Variants in ASTN1 observed in about 807,000 individuals in gnomAD.
ASTN1 encodes the protein astrotactin-1.
In ASTN1, 41 loss-of-function variants were observed where a neutral mutation model predicts 140.7. That is an observed-to-expected ratio of 0.29 (90% confidence interval 0.23 to 0.38). ASTN1 has a LOEUF of 0.38. Ranked by LOEUF, ASTN1 falls within the 10% of genes least tolerant of loss-of-function variation. ASTN1 has a pLI of 1.00. For missense variants in ASTN1, 1,479 were observed against 1,678.8 expected, an observed-to-expected ratio of 0.88 and a Z score of 2.08; for synonymous variants, 640 against 652.2, an observed-to-expected ratio of 0.98 and a Z score of 0.29.
In ASTN1 at chr1:176,888,223, A is replaced by G. The variant is rs756015297; in HGVS notation, c.2941-19T>C. The G allele has an allele frequency of 1.9e-6, 3 of 1,612,916 alleles. No individual in the cohort carries two copies. The highest frequency in any genetic ancestry group is 3.3e-5 in the Admixed American group (2 of 60,014). Reference sequence around the variant, plus strand: ...GCAAGAGCTGCATAAGAGAACAGGGAAAAGATTGAGTGTTGAGAAGCCAGG... The same window carrying G: ...GCAAGAGCTGCATAAGAGAACAGGGGAAAGATTGAGTGTTGAGAAGCCAGG... On this transcript the variant is annotated intron_variant, in intron 17 of 22. Transcript: ENST00000361833.
chr1:176,973,250 C>A (rs548851365), intron 8 of ASTN1, among the ~76,000 whole-genome samples: 1 of 152,312 alleles, frequency 6.6e-6, no homozygotes, highest in East Asian at 1.9e-4. Context: ...CTTTCTACCT[C>A]CTGGATGCTT....
intron 11 of ASTN1, among the ~76,000 whole-genome samples, chr1:176,956,446 G>T (rs1342119384): frequency 6.6e-6 from 1 of 152,150 alleles, no homozygotes; most frequent in East Asian, 1.9e-4. Flanking sequence ...GGGAAGAGGG[G>T]AGAGGAAAGA....
At chr1:176,913,342 T>C (rs1269685518) in intron 16 of ASTN1, among the ~76,000 whole-genome samples, 5 of 152,156 alleles carry the variant, frequency 3.3e-5, no homozygotes, top group African/African-American at 1.2e-4. Context: ...AAATGTAGGA[T>C]CACATTGGGT....
intron 8 of ASTN1, among the ~76,000 whole-genome samples, chr1:177,010,585 T>C (rs1002685306): frequency 2.0e-5 from 3 of 152,218 alleles, no homozygotes; most frequent in Non-Finnish European, 4.4e-5. Context: ...AATTCAATGA[T>C]CTTGTAATTT....
chr1:176,867,178 A>G (rs1380726256), intron 22 of ASTN1, among the ~76,000 whole-genome samples: 1 of 152,244 alleles, frequency 6.6e-6, no homozygotes, highest in Non-Finnish European at 1.5e-5. Context: ...AGAAATTTTA[A>G]AAGCACTCCA....
At chr1:177,045,987 A>T (rs902954843) in intron 2 of ASTN1, among the ~76,000 whole-genome samples, 1 of 152,212 alleles carries the variant, frequency 6.6e-6, no homozygotes, top group Non-Finnish European at 1.5e-5. Context: ...TTTTGCATTT[A>T]TATTTCTGTT....
chr1:177,140,313 GGA>G (rs1682405001), intron 1 of ASTN1, among the ~76,000 whole-genome samples: 1 of 151,920 alleles, frequency 6.6e-6, no homozygotes, highest in African/African-American at 2.4e-5. Flanking sequence ...TCATAGTCCT[GGA>G]TTATATGAGC....
chr1:177,128,988 C>T (rs778676436), intron 1 of ASTN1, among the ~76,000 whole-genome samples: 2 of 152,096 alleles, frequency 1.3e-5, no homozygotes, highest in Non-Finnish European at 2.9e-5. Flanking sequence ...AAGGTGCCAA[C>T]GAGCTCCAAG....
intron 1 of ASTN1, among the ~76,000 whole-genome samples, chr1:177,120,767 G>C (rs1472290981): frequency 6.6e-6 from 1 of 152,118 alleles, no homozygotes; most frequent in Non-Finnish European, 1.5e-5. Flanking sequence ...GGATTCTGAG[G>C]AAGATATCTA....
chr1:177,157,687 A>C (rs928272483), intron 1 of ASTN1, among the ~76,000 whole-genome samples: 1 of 152,072 alleles, frequency 6.6e-6, no homozygotes, highest in African/African-American at 2.4e-5. Context: ...AACTGCTAGA[A>C]GCTTTGAGGC....
At chr1:177,160,819 C>G (rs190659733) in intron 1 of ASTN1, among the ~76,000 whole-genome samples, 5 of 152,268 alleles carry the variant, frequency 3.3e-5, no homozygotes, top group Non-Finnish European at 7.4e-5. Context: ...TATTTTGCAA[C>G]ACTTTTGAGG....
At chr1:176,954,658 T>A (rs1672325698) in intron 11 of ASTN1, among the ~76,000 whole-genome samples, 3 of 152,184 alleles carry the variant, frequency 2.0e-5, no homozygotes, top group Middle Eastern at 3.2e-3. Context: ...CTCTTGTATA[T>A]CACCAGTAAG....
At chr1:176,949,702 C>T (rs1234023079) in intron 11 of ASTN1, among the ~76,000 whole-genome samples, 1 of 152,226 alleles carries the variant, frequency 6.6e-6, no homozygotes, top group African/African-American at 2.4e-5. Flanking sequence ...AATGAAAATG[C>T]ATTTGCAAAG....
chr1:177,027,687 T>G (rs1337547280), intron 5 of ASTN1, among the ~76,000 whole-genome samples: 5 of 150,714 alleles, frequency 3.3e-5, no homozygotes, highest in Admixed American at 2.7e-4. Flanking sequence ...CCTAGACTTC[T>G]TCTCCTCTTT....
chr1:176,997,050 G>A (rs1674489301), intron 8 of ASTN1, among the ~76,000 whole-genome samples: 1 of 152,196 alleles, frequency 6.6e-6, no homozygotes, highest in South Asian at 2.1e-4. Context: ...AATGCATGCA[G>A]GACTTCCCTC....
chr1:177,156,507 T>G (rs1180386321), intron 1 of ASTN1, among the ~76,000 whole-genome samples: 1 of 151,748 alleles, frequency 6.6e-6, no homozygotes, highest in African/African-American at 2.4e-5. Flanking sequence ...AGCAATAAAA[T>G]CAATAAAGTA....
chr1:177,009,789 C>T (rs1264649358), intron 8 of ASTN1, among the ~76,000 whole-genome samples: 1 of 152,198 alleles, frequency 6.6e-6, no homozygotes, highest in Non-Finnish European at 1.5e-5. Flanking sequence ...CTTGGAGAAA[C>T]ACCTGTTCAT....
chr1:176,902,044 C>G lies in ASTN1; in HGVS notation c.2672-7214G>C, dbSNP rs1158603909. On this transcript the variant is annotated intron_variant, in intron 16 of 22. Coordinates refer to ENST00000361833, the MANE Select transcript of ASTN1 (RefSeq NM_004319.3). Reference sequence around the variant, plus strand: ...TAATCATGCCCTGCAGCCGGTCCCTCAAGAGCAGTATCTATAGGTACTGTA... The same window carrying G: ...TAATCATGCCCTGCAGCCGGTCCCTGAAGAGCAGTATCTATAGGTACTGTA... 2.6e-5 allele frequency among the ~76,000 whole-genome samples: 4 copies of G among 152,188 alleles called. No homozygotes were observed. In the South Asian group the frequency reaches 8.3e-4, roughly 32 times the overall value.
chr1:177,084,815 T>C (rs1679348561), intron 1 of ASTN1, among the ~76,000 whole-genome samples: 1 of 152,200 alleles, frequency 6.6e-6, no homozygotes, highest in Non-Finnish European at 1.5e-5. Flanking sequence ...TGCCTTCTTT[T>C]TTTTTTCATC....
Sources: allele counts gnomAD v4.1 joint callset (sites outside exome capture counted in the v4.1 genomes callset), GRCh38; gene constraint gnomAD v4.1.1; transcripts MANE v1.5; gene names NCBI Gene and HGNC (gene_info 2026-07-23, HGNC 2026-07-21).